Variants in SNX9 observed in about 807,000 individuals in gnomAD.
SNX9 encodes the protein sorting nexin 9.
In SNX9, 44 loss-of-function variants were observed where a neutral mutation model predicts 89.4. The ratio of observed to expected loss-of-function variants is 0.49; its 90% confidence interval spans 0.39 to 0.63. The LOEUF is 0.63. Ranked by LOEUF, SNX9 falls within the 30% of genes least tolerant of loss-of-function variation. The pLI, the probability that SNX9 is intolerant of heterozygous loss-of-function variation, is 0.00. For missense variants in SNX9, 578 were observed against 736.1 expected (o/e 0.79, Z 2.49); for synonymous variants, 236 against 247.8 (o/e 0.95, Z 0.45).
At position 157,834,518 on chromosome 6, in the gene SNX9, T is replaced by A. The variant is rs6900922; in HGVS notation, c.12+11072T>A. Among the ~76,000 whole-genome samples, 932 of 142,340 alleles carry A rather than the reference T, an allele frequency of 6.5e-3. 10 individuals carry two copies. The highest frequency in any genetic ancestry group is 0.024 in the African/African-American group (866 of 36,312). 93.4% of individuals were successfully genotyped at this position (142,340 alleles called of 152,430 possible). On this transcript the variant is annotated intron_variant, in intron 1 of 17. Transcript: ENST00000392185. ...TGTGCCACCCCCCCGGCCAATTTTT[T>A]AAATTTTTTTTTCTTTAGTAGAATT...
chr6:157,890,286 G>T (rs919009095), intron 4 of SNX9, among the ~76,000 whole-genome samples: 1 of 152,128 alleles, frequency 6.6e-6, no homozygotes, highest in African/African-American at 2.4e-5. Context: ...GCCATTCTCA[G>T]TCTGTTCTGT....
chr6:157,872,125 T>C (rs1270973349), intron 2 of SNX9, among the ~76,000 whole-genome samples: 1 of 152,162 alleles, frequency 6.6e-6, no homozygotes, highest in Non-Finnish European at 1.5e-5. Flanking sequence ...TAAAAACTCT[T>C]ACTATGTTAA....
At position 157,902,603 on chromosome 6, in the gene SNX9, G is replaced by A. The variant is rs568843924; in HGVS notation, c.620+558G>A. On this transcript the variant is annotated intron_variant, in intron 6 of 17. Transcript: ENST00000392185. The stretch of plus-strand genomic sequence containing the variant: ...TGTTTCAGCTCCTGTGCCTAAAAAC[G>A]TGGTCCGGAGCTTTGTGTTAGCTTA... Among the ~76,000 whole-genome samples, 44 of 152,198 alleles carry A rather than the reference G, an allele frequency of 2.9e-4. 1 individual carries two copies. The South Asian group carries it at 8.5e-3, about 29-fold the overall frequency.
chr6:157,940,330 T>A (rs1034914902), intron 16 of SNX9, among the ~76,000 whole-genome samples: 2 of 152,256 alleles, frequency 1.3e-5, no homozygotes, highest in Non-Finnish European at 2.9e-5. Flanking sequence ...TTTGGGTGAT[T>A]TATCTGTATT....
At chr6:157,849,579 ATAAT>A (rs1781868164) in intron 1 of SNX9, among the ~76,000 whole-genome samples, 1 of 152,260 alleles carries the variant, frequency 6.6e-6, no homozygotes, top group Non-Finnish European at 1.5e-5. Context: ...GTGAATGAAA[ATAAT>A]TAAAGATGAC....
chr6:157,850,584 G>C (rs1388654069), intron 1 of SNX9, among the ~76,000 whole-genome samples: 1 of 152,038 alleles, frequency 6.6e-6, no homozygotes, highest in Non-Finnish European at 1.5e-5. Flanking sequence ...TCTTCCCTTG[G>C]CTTCTCTTTT....
At chr6:157,935,938 C>A (rs763431978) in intron 13 of SNX9, 26 bp from the exon 14 acceptor site, 8 of 1,549,008 alleles carry the variant, frequency 5.2e-6, no homozygotes, top group East Asian at 2.3e-5. Context: ...TAACTTATAA[C>A]CACTGATAAA....
At chr6:157,920,342 A>G (rs1783558381) in intron 9 of SNX9, among the ~76,000 whole-genome samples, 1 of 152,094 alleles carries the variant, frequency 6.6e-6, no homozygotes, top group Admixed American at 6.5e-5. Context: ...CTTCCTGTTC[A>G]TCTGTCTCTG....
chr6:157,930,723 A>G (rs192113212), intron 12 of SNX9, among the ~76,000 whole-genome samples: 3 of 152,108 alleles, frequency 2.0e-5, no homozygotes, highest in Non-Finnish European at 4.4e-5. Flanking sequence ...CCCCCGACCC[A>G]CTGTCTATCT....
rs1006138414 is a variant in SNX9 at position 157,843,872 on chromosome 6, C to CTTTT, written c.12+20443_12+20446dup. 5.1e-4 allele frequency among the ~76,000 whole-genome samples: 62 copies of CTTTT among 120,684 alleles called. 2 individuals are homozygous for CTTTT. The highest frequency in any genetic ancestry group is 1.5e-3 in the African/African-American group (46 of 30,556). 79.2% of individuals were successfully genotyped at this position (120,684 alleles called of 152,430 possible). ...TTTTAAAAAATTATTTCCCATTTGT[C>CTTTT]TTTTTTTTTTTTTTTTTTTTGAGAT... On this transcript the variant is annotated intron_variant, in intron 1 of 17. Coordinates refer to ENST00000392185, the MANE Select transcript of SNX9 (RefSeq NM_016224.5).
At chr6:157,837,182 A>G (rs577252567) in intron 1 of SNX9, among the ~76,000 whole-genome samples, 4 of 152,354 alleles carry the variant, frequency 2.6e-5, no homozygotes, top group African/African-American at 9.6e-5. Context: ...TTTCTCGCCA[A>G]CTTGTAGTGT....
At chr6:157,848,837 C>A (rs1008759764) in intron 1 of SNX9, among the ~76,000 whole-genome samples, 1 of 152,122 alleles carries the variant, frequency 6.6e-6, no homozygotes, top group Non-Finnish European at 1.5e-5. Context: ...GATACGTAAC[C>A]GATTTTGCAC....
chr6:157,838,577 A>G (rs1249581128), intron 1 of SNX9, among the ~76,000 whole-genome samples: 3 of 152,206 alleles, frequency 2.0e-5, no homozygotes, highest in Non-Finnish European at 4.4e-5. Flanking sequence ...GTAAAAATAA[A>G]TGTATATCAA....
At chr6:157,834,717 G>C (rs1781551080) in intron 1 of SNX9, among the ~76,000 whole-genome samples, 1 of 152,046 alleles carries the variant, frequency 6.6e-6, no homozygotes, top group Admixed American at 6.6e-5. Flanking sequence ...TGAGCACGTG[G>C]GTTCTATCCA....
intron 3 of SNX9, among the ~76,000 whole-genome samples, chr6:157,873,941 G>C (rs920545873): frequency 6.6e-6 from 1 of 152,098 alleles, no homozygotes; most frequent in Non-Finnish European, 1.5e-5. Context: ...GTTGTCTTTC[G>C]GTCCCTCCAA....
Position 157,921,641 on chromosome 6 carries a change from C to T in SNX9, c.1060C>T (p.Leu354=), listed in dbSNP as rs1783586074. 1 of 1,613,690 alleles carries T rather than the reference C, an allele frequency of 6.2e-7. No individual in the cohort carries two copies. ...AGAAAGTGAAGTTTTCCAGCAGTTC[C>T]TAAATTTCCGAGATGAGAAGGTAGG... ...ISESEVFQQF[L]NFRDEKEWKT... The change falls in exon 10 of 18, where the codon CTA becomes TTA. Residue 354 remains leucine, a synonymous_variant. Coordinates refer to ENST00000392185, the MANE Select transcript of SNX9 (RefSeq NM_016224.5).
intron 4 of SNX9, among the ~76,000 whole-genome samples, chr6:157,888,029 T>C (rs1782773168): frequency 6.6e-6 from 1 of 152,152 alleles, no homozygotes; most frequent in Non-Finnish European, 1.5e-5. Flanking sequence ...TGTAGGCCAG[T>C]TAGACCCTAA....
intron 1 of SNX9, among the ~76,000 whole-genome samples, chr6:157,829,998 A>G (rs778743709): frequency 3.9e-5 from 6 of 152,300 alleles, no homozygotes; most frequent in Non-Finnish European, 5.9e-5. Flanking sequence ...AAATTACTTA[A>G]TATCATTAGC....
intron 4 of SNX9, among the ~76,000 whole-genome samples, chr6:157,885,974 A>G (rs374365685): frequency 6.6e-6 from 1 of 152,200 alleles, no homozygotes; most frequent in Non-Finnish European, 1.5e-5. Context: ...TAAATATGTT[A>G]CCATTTTCAT....
Sources: allele counts gnomAD v4.1 joint callset (sites outside exome capture counted in the v4.1 genomes callset), GRCh38; gene constraint gnomAD v4.1.1; transcripts MANE v1.5; gene names NCBI Gene and HGNC (gene_info 2026-07-23, HGNC 2026-07-21).